USP10: variants seen among roughly 807,000 people sequenced by gnomAD.
USP10 encodes ubiquitin carboxyl-terminal hydrolase 10.
In USP10, 22 loss-of-function variants were observed where a neutral mutation model predicts 84.5. The ratio of observed to expected loss-of-function variants is 0.26; its 90% CI spans 0.19 to 0.37. The LOEUF (loss-of-function observed/expected upper bound fraction) is 0.37, where lower values mean the gene tolerates loss of function less well. Among genes scored for constraint, USP10 ranks in the 10% least tolerant of loss-of-function variants. The pLI, the probability that USP10 is intolerant of heterozygous loss-of-function variation, is 1.00. For missense variants in USP10, 1,019 were observed against 998.9 expected, an observed-to-expected ratio of 1.02 and a Z score of -0.27; for synonymous variants, 454 against 387.6, an observed-to-expected ratio of 1.17 and a Z score of -2.01.
intron 3 of USP10, among the ~76,000 whole-genome samples, chr16:84,744,026 C>T (rs781471453): frequency 9.3e-5 from 14 of 151,310 alleles, no homozygotes; most frequent in Non-Finnish European, 1.3e-4. Context: ...CTCTGAAGTG[C>T]GCTTTTATAT....
In USP10 at chr16:84,760,156, C is replaced by T; in HGVS notation, c.1451-16C>T. ...TCATTGTAGTTAGGAAAACCTGTGTCCTCTTTCCATTGCAGCTCTTGGAGA... is the reference window on the plus strand; with the variant it reads ...TCATTGTAGTTAGGAAAACCTGTGTTCTCTTTCCATTGCAGCTCTTGGAGA... On this transcript the variant is annotated splice_polypyrimidine_tract_variant and intron_variant, in intron 7 of 13. Transcript: ENST00000219473. 2 of 1,592,510 alleles carry T rather than the reference C, an allele frequency of 1.3e-6. No homozygotes were observed. The highest frequency in any genetic ancestry group is 4.5e-5 in the East Asian group (2 of 44,366).
At chr16:84,702,836 T>A (rs909101936) in intron 1 of USP10, among the ~76,000 whole-genome samples, 1 of 151,512 alleles carries the variant, frequency 6.6e-6, no homozygotes, top group African/African-American at 2.4e-5. Flanking sequence ...CTACTAAAAA[T>A]ACAAAAATTA....
intron 11 of USP10, among the ~76,000 whole-genome samples, chr16:84,772,332 A>T (rs1914541668): frequency 6.6e-6 from 1 of 152,176 alleles, no homozygotes; most frequent in South Asian, 2.1e-4. Context: ...ATTAATGGGC[A>T]TGAGCCACTG....
intron 4 of USP10, 41 bp from the exon 5 acceptor site, chr16:84,758,675 G>C: frequency 7.4e-7 from 1 of 1,356,046 alleles, no homozygotes; most frequent in South Asian, 1.2e-5. Flanking sequence ...TTCTTCACTA[G>C]ATGTCATCAA....
intron 4 of USP10, among the ~76,000 whole-genome samples, chr16:84,746,188 C>G (rs2150824886): frequency 6.6e-6 from 1 of 151,994 alleles, no homozygotes; most frequent in South Asian, 2.1e-4. Flanking sequence ...AAGGGTTCAG[C>G]CCAAAGTTAA....
intron 3 of USP10, among the ~76,000 whole-genome samples, chr16:84,741,489 A>G (rs967260423): frequency 1.3e-5 from 2 of 152,190 alleles, no homozygotes; most frequent in Non-Finnish European, 2.9e-5. Context: ...CAAATGCCCC[A>G]TGATGTTCCC....
At chr16:84,717,372 C>T (rs975794906) in intron 1 of USP10, among the ~76,000 whole-genome samples, 1 of 152,116 alleles carries the variant, frequency 6.6e-6, no homozygotes, top group Non-Finnish European at 1.5e-5. Context: ...TGATTAAATG[C>T]CTTTAACATT....
At chr16:84,732,172 A>T (rs1909320179) in intron 1 of USP10, among the ~76,000 whole-genome samples, 2 of 152,128 alleles carry the variant, frequency 1.3e-5, no homozygotes, top group South Asian at 4.1e-4. Context: ...GTGGCCATTT[A>T]TTCACATTTA....
intron 11 of USP10, among the ~76,000 whole-genome samples, chr16:84,771,242 T>G (rs1223526339): frequency 6.6e-6 from 1 of 152,124 alleles, no homozygotes; most frequent in Admixed American, 6.5e-5. Flanking sequence ...TTGATAAAAC[T>G]CATGATTAGA....
chr16:84,712,998 G>A (rs1361770146), intron 1 of USP10, among the ~76,000 whole-genome samples: 1 of 152,142 alleles, frequency 6.6e-6, no homozygotes, highest in Non-Finnish European at 1.5e-5. Flanking sequence ...ATCTATCTTC[G>A]CAGGCCTGCT....
At chr16:84,738,977 G>A (rs1175241791) in intron 2 of USP10, among the ~76,000 whole-genome samples, 1 of 152,110 alleles carries the variant, frequency 6.6e-6, no homozygotes, top group Non-Finnish European at 1.5e-5. Flanking sequence ...GGGAAGTGCT[G>A]CACCAGAATG....
At chr16:84,778,609 G>A (rs1036923681) in intron 13 of USP10, among the ~76,000 whole-genome samples, 1 of 152,196 alleles carries the variant, frequency 6.6e-6, no homozygotes, top group Admixed American at 6.5e-5. Flanking sequence ...AGGAGTGTCT[G>A]TGTGAGGCGT....
At chr16:84,720,477 C>G (rs1907638420) in intron 1 of USP10, among the ~76,000 whole-genome samples, 1 of 150,860 alleles carries the variant, frequency 6.6e-6, no homozygotes, top group South Asian at 2.1e-4. Flanking sequence ...TTGAGCCAGG[C>G]AAGAATAATC....
chr16:84,743,356 G>C (rs749150549), intron 3 of USP10, among the ~76,000 whole-genome samples: 7 of 152,156 alleles, frequency 4.6e-5, no homozygotes, highest in African/African-American at 9.7e-5. Flanking sequence ...AGCATACGAA[G>C]ATTCAGGAGG....
In USP10 at chr16:84,745,036, C is replaced by A. The variant is rs1387893546; in HGVS notation, c.555C>A (p.Val185=). 6.2e-7 allele frequency: 1 copy of A among 1,613,822 alleles called. No homozygotes were observed. Among genetic ancestry groups the A allele is most frequent in the Non-Finnish European group, 8.5e-7 (1 of 1,179,728 alleles). ...TCAATGGCCATGCCAATTCAGCAGT[C>A]CCGAACAGTGTCAGTGCAGAGGATG... The part of the protein sequence containing the change: ...ALVNGHANSA[V]PNSVSAEDAE... Residue 185 remains valine, a synonymous_variant, in exon 4 of 14, where the codon GTC becomes GTA. Transcript: ENST00000219473.
rs1910477878 is a variant in USP10 at position 84,740,311 on chromosome 16, T to A, written c.93T>A (p.Leu31=). The change falls in exon 3 of 14, where the codon CTT becomes CTA. Residue 31 remains leucine, a splice_region_variant and synonymous_variant. Transcript: ENST00000219473. The part of the protein sequence containing the change: ...FFVTPRSSVE[L]PPYSGTVLCG... Reference sequence around the variant, plus strand: ...TTGTTTTCTGATTCCTTGTGCAGCTTCCTCCATACAGTGGAACAGTTCTGT... The same window carrying A: ...TTGTTTTCTGATTCCTTGTGCAGCTACCTCCATACAGTGGAACAGTTCTGT... The A allele has an allele frequency of 6.2e-7, 1 of 1,609,624 alleles. No homozygotes were observed. The highest frequency in any genetic ancestry group is 1.3e-5 in the African/African-American group (1 of 74,856).
At chr16:84,750,834 G>C (rs1317799612) in intron 4 of USP10, among the ~76,000 whole-genome samples, 1 of 152,200 alleles carries the variant, frequency 6.6e-6, no homozygotes, top group Admixed American at 6.5e-5. Flanking sequence ...CTCTTGAACA[G>C]CTCTGAAAAC....
Position 84,779,207 on chromosome 16 carries a change from G to C in USP10, c.*125G>C. The C allele has an allele frequency of 1.7e-6, 2 of 1,161,602 alleles. No homozygotes were observed. Among genetic ancestry groups the C allele is most frequent in the South Asian group, 1.7e-5 (1 of 59,772 alleles). 72.0% of individuals were successfully genotyped at this position (1,161,602 alleles called of 1,614,324 possible). On this transcript the variant is annotated 3_prime_UTR_variant, in exon 14 of 14. Coordinates refer to ENST00000219473, the MANE Select transcript of USP10 (RefSeq NM_005153.3). ...TTTCTCCCTTTGCAAAAATGGGCTA[G>C]AATGAAAAGGAGATGCCTTGGGGTT... is the stretch of plus-strand genomic sequence containing the variant.
chr16:84,764,007 C>T, intron 9 of USP10, 79 bp from the exon 10 acceptor site: 2 of 1,463,640 alleles, frequency 1.4e-6, no homozygotes, highest in South Asian at 1.4e-5. Context: ...TTTAAAACTG[C>T]AATCGACAGA....
Sources: allele counts gnomAD v4.1 joint callset (sites outside exome capture counted in the v4.1 genomes callset), GRCh38; gene constraint gnomAD v4.1.1; transcripts MANE v1.5; gene names NCBI Gene and HGNC (gene_info 2026-07-23, HGNC 2026-07-21).